CSMD3: variants seen among roughly 807,000 people sequenced by gnomAD.
CSMD3 encodes CUB and Sushi multiple domains 3.
A neutral mutation model predicts 435.2 loss-of-function variants in CSMD3; 177 were observed. The ratio of observed to expected loss-of-function variants is 0.41; its 90% confidence interval spans 0.36 to 0.46. The LOEUF is 0.46. Ranked by LOEUF, CSMD3 falls within the 20% of genes least tolerant of loss-of-function variation. The pLI, the probability that CSMD3 is intolerant of heterozygous loss-of-function variation, is 0.34. For missense variants in CSMD3, 4,265 were observed against 4,504.6 expected (o/e 0.95, Z 1.52); for synonymous variants, 1,656 against 1,520.5 (o/e 1.09, Z -2.07).
At chr8:113,340,075 CTATT>C in intron 1 of CSMD3, among the ~76,000 whole-genome samples, 1 of 151,816 alleles carries the variant, frequency 6.6e-6, no homozygotes, top group East Asian at 1.9e-4. Flanking sequence ...CTTACTATAA[CTATT>C]TATATATGTG....
chr8:112,804,493 A>T (rs1311297131), intron 12 of CSMD3, among the ~76,000 whole-genome samples: 4 of 152,130 alleles, frequency 2.6e-5, no homozygotes, highest in African/African-American at 9.7e-5. Context: ...AAGAGAATCC[A>T]GAGGATACAG....
intron 3 of CSMD3, among the ~76,000 whole-genome samples, chr8:113,232,736 ATT>A (rs2093102670): frequency 1.3e-5 from 2 of 151,730 alleles, no homozygotes; most frequent in Non-Finnish European, 3.0e-5. Context: ...ATAGCATTTG[ATT>A]ACCCGTAAGT....
intron 5 of CSMD3, among the ~76,000 whole-genome samples, chr8:113,063,901 GTAT>G (rs141868233): frequency 0.014 from 2,151 of 151,680 alleles, 29 homozygotes; most frequent in Non-Finnish European, 0.024. Context: ...AGGTGATACA[GTAT>G]TATTAAGTTT....
intron 1 of CSMD3, among the ~76,000 whole-genome samples, chr8:113,378,580 A>G (rs2094400299): frequency 6.6e-6 from 1 of 152,232 alleles, no homozygotes; most frequent in Admixed American, 6.5e-5. Context: ...TAGAAAGAGA[A>G]GAAGGCAGCC....
intron 20 of CSMD3, among the ~76,000 whole-genome samples, chr8:112,642,373 T>C (rs540186660): frequency 2.3e-4 from 35 of 152,154 alleles, no homozygotes; most frequent in Non-Finnish European, 4.1e-4. Context: ...GGTGTCCTTG[T>C]AAATAAGGAG....
intron 3 of CSMD3, among the ~76,000 whole-genome samples, chr8:113,186,447 A>G (rs2092503110): frequency 6.6e-6 from 1 of 152,068 alleles, no homozygotes; most frequent in Middle Eastern, 3.4e-3. Context: ...TTGTACATTT[A>G]CCTTTGAACC....
At chr8:113,088,610 A>T (rs1168291232) in intron 5 of CSMD3, among the ~76,000 whole-genome samples, 10 of 151,036 alleles carry the variant, frequency 6.6e-5, no homozygotes, top group Non-Finnish European at 7.4e-5. Context: ...TATCCCAAGG[A>T]CAAAAAACGA....
chr8:112,497,360 A>T (rs1163961282), intron 30 of CSMD3, among the ~76,000 whole-genome samples: 3 of 151,754 alleles, frequency 2.0e-5, no homozygotes, highest in Non-Finnish European at 4.4e-5. Flanking sequence ...AAAAGCGTAT[A>T]ATTGGAATGT....
intron 22 of CSMD3, among the ~76,000 whole-genome samples, chr8:112,600,861 T>G (rs936434329): frequency 6.6e-6 from 1 of 152,044 alleles, no homozygotes; most frequent in African/African-American, 2.4e-5. Context: ...GTATTTTTAG[T>G]AGAGACGGGG....
At chr8:112,528,141 A>C (rs2131055439) in intron 27 of CSMD3, among the ~76,000 whole-genome samples, 1 of 152,286 alleles carries the variant, frequency 6.6e-6, no homozygotes, top group East Asian at 1.9e-4. Flanking sequence ...CTTTTTAAAA[A>C]AATTTTAATT....
chr8:113,282,370 C>T (rs2093619043), intron 2 of CSMD3, among the ~76,000 whole-genome samples: 1 of 151,978 alleles, frequency 6.6e-6, no homozygotes, highest in African/African-American at 2.4e-5. Context: ...TAAAAGAATT[C>T]AGCAAAGTTT....
At chr8:112,361,572 C>CATATATATAT (rs4030099) in intron 38 of CSMD3, among the ~76,000 whole-genome samples, 102 of 107,110 alleles carry the variant, frequency 9.5e-4, no homozygotes, top group Admixed American at 1.2e-3. Flanking sequence ...TATACACATA[C>CATATATATAT]ATATATATAT....
intron 3 of CSMD3, among the ~76,000 whole-genome samples, chr8:113,272,057 T>A (rs2093532336): frequency 6.6e-6 from 1 of 152,174 alleles, no homozygotes; most frequent in Non-Finnish European, 1.5e-5. Context: ...CCATTTGGAA[T>A]GGCTGTATTT....
chr8:113,407,791 C>A (rs9642821), intron 1 of CSMD3, among the ~76,000 whole-genome samples: 116,197 of 151,998 alleles, frequency 0.76, 44,787 homozygotes, highest in East Asian at 0.94. Flanking sequence ...TTAAATTAAT[C>A]AATCTGAGAT....
chr8:112,277,885 C>G lies in CSMD3; in HGVS notation c.9508+3289G>C, dbSNP rs530950723. 7.9e-5 allele frequency among the ~76,000 whole-genome samples: 12 copies of G among 152,220 alleles called. No homozygotes were observed. In the South Asian group the frequency reaches 2.5e-3, roughly 32 times the overall value. On this transcript the variant is annotated intron_variant, in intron 59 of 70. Transcript: ENST00000297405. Reference sequence around the variant, plus strand: ...GAGAACAGTATGGGGGAAACTGCCCCATGATTAAATTATCTCCCACTGGGT... The same window carrying G: ...GAGAACAGTATGGGGGAAACTGCCCGATGATTAAATTATCTCCCACTGGGT...
chr8:112,230,999 A>G (rs1343670367), intron 69 of CSMD3, among the ~76,000 whole-genome samples: 1 of 152,182 alleles, frequency 6.6e-6, no homozygotes, highest in African/African-American at 2.4e-5. Context: ...AGGTTTATAT[A>G]CATATAGAAG....
chr8:112,728,609 T>C (rs1333378594), intron 13 of CSMD3, among the ~76,000 whole-genome samples: 1 of 151,888 alleles, frequency 6.6e-6, no homozygotes, highest in Non-Finnish European at 1.5e-5. Context: ...CCAAGCCCCT[T>C]CTTCTCCTCC....
chr8:113,027,966 T>C (rs995336292), intron 5 of CSMD3, among the ~76,000 whole-genome samples: 3 of 152,142 alleles, frequency 2.0e-5, no homozygotes, highest in Admixed American at 6.5e-5. Context: ...ACAGTTTGCA[T>C]AGAATTACAG....
chr8:113,063,441 A>G (rs1353019086), intron 5 of CSMD3, among the ~76,000 whole-genome samples: 1 of 152,014 alleles, frequency 6.6e-6, no homozygotes. Context: ...ACAATCTTTA[A>G]TATCTACTTT....
Sources: gnomAD v4.1 joint callset for allele counts (sites outside exome capture counted in the v4.1 genomes callset) on GRCh38, gnomAD v4.1.1 for gene constraint, MANE v1.5 for transcripts, NCBI Gene and HGNC (gene_info 2026-07-23, HGNC 2026-07-21) for gene names.